PCDH15: variants seen among roughly 807,000 people sequenced by gnomAD.
PCDH15 encodes the protein protocadherin-15.
Under a neutral mutation model 178.5 loss-of-function variants are expected in PCDH15, and 129 were observed. That is an observed-to-expected ratio of 0.72 (90% CI 0.63 to 0.84). The LOEUF is 0.84. Among genes scored for constraint, PCDH15 ranks in the 40% least tolerant of loss-of-function variants. The pLI is 0.00. For missense variants in PCDH15, 2,230 were observed against 2,099.9 expected, an observed-to-expected ratio of 1.06 and a Z score of -1.21; for synonymous variants, 800 against 732.0, an observed-to-expected ratio of 1.09 and a Z score of -1.50.
intron 18 of PCDH15, among the ~76,000 whole-genome samples, chr10:54,028,905 A>T (rs1033454735): frequency 2.0e-5 from 3 of 150,492 alleles, no homozygotes; most frequent in East Asian, 2.0e-4. Context: ...AACCTGCACA[A>T]TGTGCACATG....
chr10:54,210,179 A>G (rs1201565053), intron 10 of PCDH15, among the ~76,000 whole-genome samples: 1 of 152,112 alleles, frequency 6.6e-6, no homozygotes, highest in Non-Finnish European at 1.5e-5. Context: ...CATTGAATTT[A>G]TGTGGAAATC....
Position 54,221,219 on chromosome 10 carries a change from G to A in PCDH15, c.986-7171C>T, listed in dbSNP as rs1243575821. Among the ~76,000 whole-genome samples the A allele has an allele frequency of 3.9e-5, 6 of 152,210 alleles. No homozygotes were observed. The South Asian group carries it at 1.0e-3, about 26-fold the overall frequency. On this transcript the variant is annotated intron_variant, in intron 9 of 37. Transcript: ENST00000644397. Reference sequence around the variant, plus strand: ...ATTAGAGCCAACATAATTAGTGGTTGCCAAAACATTTATTTTAATTTTTAT... The same window carrying A: ...ATTAGAGCCAACATAATTAGTGGTTACCAAAACATTTATTTTAATTTTTAT...
chr10:54,480,845 G>T (rs1025118303), intron 3 of PCDH15, among the ~76,000 whole-genome samples: 3 of 151,788 alleles, frequency 2.0e-5, no homozygotes, highest in Non-Finnish European at 4.4e-5. Flanking sequence ...TTTTTTCATA[G>T]AAACATTAAA....
At chr10:54,623,929 C>A (rs74136227) in intron 2 of PCDH15, among the ~76,000 whole-genome samples, 399 of 151,968 alleles carry the variant, frequency 2.6e-3, no homozygotes, top group African/African-American at 9.4e-3. Context: ...ATTGACTATA[C>A]AAAATACTAT....
At chr10:55,253,313 G>A (rs1232209863) in intron 1 of PCDH15, among the ~76,000 whole-genome samples, 1 of 151,700 alleles carries the variant, frequency 6.6e-6, no homozygotes, top group Non-Finnish European at 1.5e-5. Flanking sequence ...CAAATATTTA[G>A]TAGAAAAACA....
intron 3 of PCDH15, among the ~76,000 whole-genome samples, chr10:54,830,845 T>C (rs1422016825): frequency 6.6e-6 from 1 of 150,520 alleles, no homozygotes; most frequent in Non-Finnish European, 1.5e-5. Context: ...AGACAAAAAA[T>C]ATTCTGTAAT....
In PCDH15 at chr10:55,500,280, A is replaced by T. The variant is rs184183962; in HGVS notation, c.-156+127345T>A. ...GGATAAATTTGACCAAAGTATTGAA[A>T]TTCAAAAGAAGATTTAAATATGAAG... On this transcript the variant is annotated intron_variant, in intron 2 of 5. Coordinates refer to the PCDH15 transcript ENST00000613346. 2.0e-5 allele frequency among the ~76,000 whole-genome samples: 3 copies of T among 151,920 alleles called. No individual in the cohort carries two copies. In the East Asian group the frequency reaches 5.8e-4, roughly 30 times the overall value.
chr10:54,613,294 G>T (rs1414660441), intron 2 of PCDH15, among the ~76,000 whole-genome samples: 4 of 151,702 alleles, frequency 2.6e-5, no homozygotes, highest in Non-Finnish European at 4.4e-5. Flanking sequence ...AAACAGCAAG[G>T]CTTAAAATTT....
In PCDH15 at chr10:55,029,455, T is replaced by C. The variant is rs116502237; in HGVS notation, c.-79-131955A>G. Among the ~76,000 whole-genome samples, 278 of 152,196 alleles carry C rather than the reference T, an allele frequency of 1.8e-3. 2 individuals are homozygous for C. Among genetic ancestry groups the C allele is most frequent in the African/African-American group, 6.4e-3 (266 of 41,544 alleles). ...AGTTTTCTAAAAGCAGAAATTTGATTAGCTCTTCTATATGTACACTAGACT... is the reference window on the plus strand; with the variant it reads ...AGTTTTCTAAAAGCAGAAATTTGATCAGCTCTTCTATATGTACACTAGACT... On this transcript the variant is annotated intron_variant, in intron 2 of 5. Coordinates refer to the PCDH15 transcript ENST00000458638.
chr10:55,088,184 G>C (rs188263003), intron 2 of PCDH15, among the ~76,000 whole-genome samples: 6 of 151,920 alleles, frequency 3.9e-5, no homozygotes, highest in Non-Finnish European at 7.4e-5. Flanking sequence ...CTTACATATA[G>C]GCTATTCCAG....
At chr10:54,736,598 T>C (rs1415963189) in intron 1 of PCDH15, among the ~76,000 whole-genome samples, 3 of 152,126 alleles carry the variant, frequency 2.0e-5, no homozygotes, top group Non-Finnish European at 4.4e-5. Context: ...AAAGGAGAAC[T>C]CTTTCCTCTG....
rs1364437481 is a variant in PCDH15 at position 53,805,275 on chromosome 10, A to G, written c.*1304T>C. On this transcript the variant is annotated 3_prime_UTR_variant, in exon 38 of 38. Transcript: ENST00000644397. ...TACTGTGCAAAATTTGAAGTGAGCT[A>G]CATCTATATCATACTAAGTAATATT... is the stretch of plus-strand genomic sequence containing the variant. The G allele has an allele frequency of 5.3e-5, 8 of 152,096 alleles. No homozygotes were observed. The highest frequency in any genetic ancestry group is 2.6e-4 in the Admixed American group (4 of 15,240). 9.4% of individuals were successfully genotyped at this position (152,096 alleles called of 1,614,324 possible). A position where few individuals can be genotyped will look rare whatever the true frequency, so the allele number is the denominator to read the frequency against.
chr10:54,570,716 G>C (rs367667582), intron 2 of PCDH15, among the ~76,000 whole-genome samples: 1 of 151,876 alleles, frequency 6.6e-6, no homozygotes, highest in Non-Finnish European at 1.5e-5. Context: ...GCAGTGGCGT[G>C]ATCTCCTCTC....
Position 54,133,858 on chromosome 10 carries a change from TAC to T in PCDH15, c.1785-853_1785-852del, listed in dbSNP as rs142011670. The stretch of plus-strand genomic sequence containing the variant: ...GTGAAAAAACATATATATGTATACA[TAC>T]ACACACACACACACACATATATACA... On this transcript the variant is annotated intron_variant, in intron 14 of 37. Coordinates refer to ENST00000644397, the MANE Select transcript of PCDH15 (RefSeq NM_001384140.1). Among the ~76,000 whole-genome samples, 168 of 133,936 alleles carry T rather than the reference TAC, an allele frequency of 1.3e-3. 3 individuals carry two copies. Among genetic ancestry groups the T allele is most frequent in the Middle Eastern group, 3.7e-3 (1 of 272 alleles). The allele number at this position is 133,936 out of a possible 152,430, so 87.9% of individuals were successfully genotyped here.
chr10:55,149,341 C>A (rs1449189238), intron 2 of PCDH15, among the ~76,000 whole-genome samples: 1 of 151,452 alleles, frequency 6.6e-6, no homozygotes, highest in African/African-American at 2.4e-5. Flanking sequence ...TCAATGAAAG[C>A]CTTAAAATGT....
intron 1 of PCDH15, among the ~76,000 whole-genome samples, chr10:54,782,532 A>T (rs1343033655): frequency 6.6e-6 from 1 of 152,158 alleles, no homozygotes; most frequent in African/African-American, 2.4e-5. Flanking sequence ...ATTACAGAAG[A>T]ATCCATTAAC....
chr10:55,217,381 G>A (rs1840735855), intron 1 of PCDH15, among the ~76,000 whole-genome samples: 1 of 151,880 alleles, frequency 6.6e-6, no homozygotes, highest in Non-Finnish European at 1.5e-5. Context: ...GTTGCTGAGT[G>A]TACGTTGCTT....
rs1389803512 is a variant in PCDH15, at chr10:55,552,904, C to A, written c.-156+74721G>T. ...GTTTACATTTTAGAAATAATTTAAA[C>A]TTAAATATGTTAATCCATGTAATCT... On this transcript the variant is annotated intron_variant, in intron 2 of 5. Transcript: ENST00000613346. Among the ~76,000 whole-genome samples the A allele has an allele frequency of 2.6e-5, 4 of 151,546 alleles. No homozygotes were observed. The East Asian group carries it at 7.7e-4, about 29-fold the overall frequency.
intron 11 of PCDH15, among the ~76,000 whole-genome samples, chr10:54,194,183 G>T (rs1316735809): frequency 1.3e-5 from 2 of 150,602 alleles, no homozygotes; most frequent in African/African-American, 5.0e-5. Context: ...CCTCTGTGGA[G>T]TGTTACAAAA....
Sources: allele counts gnomAD v4.1 joint callset (sites outside exome capture counted in the v4.1 genomes callset), GRCh38; gene constraint gnomAD v4.1.1; transcripts MANE v1.5; gene names NCBI Gene and HGNC (gene_info 2026-07-23, HGNC 2026-07-21).